The following NEXMIF variants were observed in gnomAD, a reference collection of about 807,000 sequenced individuals.
NEXMIF encodes XLMR protein related to neurite extension.
NEXMIF carries 8 observed loss-of-function variants against 62.1 expected under a neutral mutation model. That is an observed-to-expected ratio of 0.13 (90% CI 0.08 to 0.23). NEXMIF has a LOEUF of 0.23. Ranked by LOEUF, NEXMIF falls within the 10% of genes least tolerant of loss-of-function variation. The pLI is 1.00. For missense variants in NEXMIF, 976 were observed against 1,113.3 expected (o/e 0.88, Z 1.75); for synonymous variants, 404 against 416.6 (o/e 0.97, Z 0.37).
chrX:74,771,032 G>A (rs182303703), intron 1 of NEXMIF, among the ~76,000 whole-genome samples: 54 of 111,599 alleles, frequency 4.8e-4, no homozygotes, highest in East Asian at 4.2e-3. Context: ...ACATTCTATC[G>A]TCCCACACAT....
chrX:74,811,194 T>A (rs998536584), intron 1 of NEXMIF, among the ~76,000 whole-genome samples: 3 of 111,839 alleles, frequency 2.7e-5, no homozygotes, highest in East Asian at 5.7e-4. Context: ...TCAGTCCAGA[T>A]CACAAGGCTT....
At position 74,735,736 on chromosome X, in the gene NEXMIF, G is replaced by GGCC; in HGVS notation, c.*3666_*3668dup. 8.9e-6 allele frequency: 1 copy of GGCC among 111,821 alleles called. No individual in the cohort carries two copies. Among genetic ancestry groups the GGCC allele is most frequent in the Non-Finnish European group, 1.9e-5 (1 of 53,185 alleles). 9.2% of individuals were successfully genotyped at this position (111,821 alleles called of 1,213,427 possible). ...GTTTGAAAACATCAGGAAAAGGTAA[G>GGCC]GCCTTGACACATAGTTGCAGAGTAA... On this transcript the variant is annotated 3_prime_UTR_variant, in exon 4 of 4. Coordinates refer to ENST00000055682, the MANE Select transcript of NEXMIF (RefSeq NM_001008537.3).
In NEXMIF at chrX:74,734,654, T is replaced by C. The variant is rs1318314707; in HGVS notation, c.*4751A>G. ...TAGTATCAATTTACCCAGATACTGATTTTGAAAGCCTCATTCACACCATAA... is the reference window on the plus strand; with the variant it reads ...TAGTATCAATTTACCCAGATACTGACTTTGAAAGCCTCATTCACACCATAA... On this transcript the variant is annotated 3_prime_UTR_variant, in exon 4 of 4. Transcript: ENST00000055682. 1 of 111,997 alleles carries C rather than the reference T, an allele frequency of 8.9e-6. No individual in the cohort carries two copies. The highest frequency in any genetic ancestry group is 1.9e-5 in the Non-Finnish European group (1 of 53,127). 9.2% of individuals were successfully genotyped at this position (111,997 alleles called of 1,213,427 possible).
intron 1 of NEXMIF, among the ~76,000 whole-genome samples, chrX:74,885,908 T>C (rs1209598528): frequency 8.9e-6 from 1 of 111,913 alleles, no homozygotes; most frequent in East Asian, 2.8e-4. Flanking sequence ...AATGAAATAC[T>C]GGAAAACCAA....
intron 1 of NEXMIF, among the ~76,000 whole-genome samples, chrX:74,807,565 C>T (rs958998032): frequency 2.7e-5 from 3 of 110,865 alleles, no homozygotes; most frequent in African/African-American, 6.6e-5. Flanking sequence ...CAGGTTCAAG[C>T]GATTCTCCTG....
intron 1 of NEXMIF, among the ~76,000 whole-genome samples, chrX:74,879,454 A>G (rs1268915599): frequency 8.9e-6 from 1 of 112,312 alleles, no homozygotes; most frequent in East Asian, 2.8e-4. Flanking sequence ...AGAATTAGAG[A>G]AAAGAGGTTA....
chrX:74,905,932 C>A (rs1157794708), intron 1 of NEXMIF, among the ~76,000 whole-genome samples: 1 of 111,772 alleles, frequency 8.9e-6, no homozygotes, highest in African/African-American at 3.2e-5. Flanking sequence ...TTCATGGATT[C>A]TTTTGATAAA....
chrX:74,886,643 TA>T, intron 1 of NEXMIF, among the ~76,000 whole-genome samples: 1 of 109,994 alleles, frequency 9.1e-6, no homozygotes, highest in Non-Finnish European at 1.9e-5. Flanking sequence ...CTCAAGGAAA[TA>T]AAAGAGGATA....
intron 1 of NEXMIF, among the ~76,000 whole-genome samples, chrX:74,812,099 G>A (rs1044707286): frequency 1.8e-5 from 2 of 112,844 alleles, no homozygotes; most frequent in African/African-American, 6.4e-5. Context: ...TTAGACAGAA[G>A]GCAGAATTGG....
intron 3 of NEXMIF, 100 bp downstream of exon 3, chrX:74,740,000 A>C (rs185362041): frequency 1.3e-6 from 1 of 755,212 alleles, no homozygotes; most frequent in Non-Finnish European, 1.9e-6. Context: ...CTTTCATGCA[A>C]ATTTTTGCTT....
rs750376322 is a variant in NEXMIF, at chrX:74,742,592, T to C, written c.1965A>G (p.Leu655=). ...EISASSKQIS[L]CNDQRHASNH... ...TACTAGCGTGCCTCTGATCATTACA[T>C]AATGAAATCTGTTTACTACTTGCTG... The change falls in exon 3 of 4, where the codon TTA becomes TTG. Residue 655 remains leucine, a synonymous_variant. Coordinates refer to ENST00000055682, the MANE Select transcript of NEXMIF (RefSeq NM_001008537.3). 9.9e-6 allele frequency: 12 copies of C among 1,208,034 alleles called. No individual in the cohort carries two copies. The highest frequency in any genetic ancestry group is 1.0e-5 in the Non-Finnish European group (9 of 893,864).
chrX:74,820,788 C>T (rs991658145), intron 1 of NEXMIF, among the ~76,000 whole-genome samples: 2 of 111,504 alleles, frequency 1.8e-5, no homozygotes, highest in African/African-American at 6.5e-5. Flanking sequence ...AACCAAATAC[C>T]ACATATTCTC....
chrX:74,804,805 C>T (rs1173775695), intron 1 of NEXMIF, among the ~76,000 whole-genome samples: 4 of 111,901 alleles, frequency 3.6e-5, no homozygotes, highest in Non-Finnish European at 5.6e-5. Flanking sequence ...CAGTTCTGCA[C>T]AAGGATTCGC....
intron 1 of NEXMIF, among the ~76,000 whole-genome samples, chrX:74,769,219 C>G (rs188661972): frequency 9.0e-6 from 1 of 110,510 alleles, no homozygotes; most frequent in Non-Finnish European, 1.9e-5. Context: ...CCCATCAAAA[C>G]AAAAACAAAA....
At chrX:74,841,779 AT>A (rs1207394121) in intron 1 of NEXMIF, among the ~76,000 whole-genome samples, 1 of 111,896 alleles carries the variant, frequency 8.9e-6, no homozygotes, top group Admixed American at 9.5e-5. Context: ...GATGAATCAC[AT>A]TTTTTTGATT....
chrX:74,840,423 C>T (rs760946614), intron 1 of NEXMIF, among the ~76,000 whole-genome samples: 1 of 111,604 alleles, frequency 9.0e-6, no homozygotes, highest in South Asian at 3.8e-4. Flanking sequence ...CTGGGATGCT[C>T]AGCTGCAGGT....
At chrX:74,864,439 A>G (rs2080569845) in intron 1 of NEXMIF, among the ~76,000 whole-genome samples, 1 of 111,971 alleles carries the variant, frequency 8.9e-6, no homozygotes, top group African/African-American at 3.2e-5. Flanking sequence ...TAGCTCTCAT[A>G]ATCCCCATGT....
intron 1 of NEXMIF, among the ~76,000 whole-genome samples, chrX:74,816,893 T>G (rs2080377792): frequency 1.8e-5 from 2 of 112,414 alleles, no homozygotes; most frequent in Non-Finnish European, 3.8e-5. Flanking sequence ...TAAATCATGT[T>G]ATAATCTGTG....
At chrX:74,924,072 T>C (rs1200782619) in intron 1 of NEXMIF, among the ~76,000 whole-genome samples, 1 of 111,365 alleles carries the variant, frequency 9.0e-6, no homozygotes, top group Non-Finnish European at 1.9e-5. Flanking sequence ...CATGCTGAAA[T>C]CGCTGAATTC....
Sources: allele counts gnomAD v4.1 joint callset (sites outside exome capture counted in the v4.1 genomes callset), GRCh38; gene constraint gnomAD v4.1.1; transcripts MANE v1.5; gene names NCBI Gene and HGNC (gene_info 2026-07-23, HGNC 2026-07-21).